The following TENM3 variants were observed in gnomAD, a reference collection of about 807,000 sequenced individuals.
TENM3 encodes teneurin transmembrane protein 3, also known as teneurin-3.
A neutral mutation model predicts 255.1 loss-of-function variants in TENM3; 63 were observed. That is an observed-to-expected ratio of 0.25 (90% CI 0.20 to 0.30). The LOEUF is 0.30. Among genes scored for constraint, TENM3 ranks in the 10% least tolerant of loss-of-function variants. The pLI is 1.00. For missense variants in TENM3, 2,929 were observed against 3,461.1 expected, an observed-to-expected ratio of 0.85 and a Z score of 3.86; for synonymous variants, 1,306 against 1,322.3, an observed-to-expected ratio of 0.99 and a Z score of 0.27.
chr4:182,608,603 C>T (rs568664729), intron 4 of TENM3, among the ~76,000 whole-genome samples: 1 of 152,198 alleles, frequency 6.6e-6, no homozygotes, highest in Non-Finnish European at 1.5e-5. Flanking sequence ...GCGCCCTGCT[C>T]GTCCGCTTGC....
the TENM3 span, among the ~76,000 whole-genome samples, chr4:181,865,570 C>T: frequency 3.9e-5 from 6 of 152,192 alleles, no homozygotes; most frequent in Admixed American, 3.9e-4. Context: ...CAGAGGATGG[C>T]AAAGAGGAGG....
At chr4:181,501,927 G>A in the TENM3 span, among the ~76,000 whole-genome samples, 15 of 152,130 alleles carry the variant, frequency 9.9e-5, no homozygotes, top group Admixed American at 5.9e-4. Flanking sequence ...AAGAAACCAG[G>A]GTGAAGGGCA....
chr4:182,793,363 G>A lies in TENM3; in HGVS notation c.6691G>A (p.Gly2231Ser), dbSNP rs1433761049. Residue 2231 changes from glycine to serine, a missense_variant, in exon 26 of 28, where the codon GGC becomes AGC. This residue lies in a region of TENM3 where 256 missense variants were observed against 389.3 expected (regional missense o/e 0.66). Transcript: ENST00000511685. The surrounding 1 kb of genome is among the most constrained non-coding windows in gnomAD (Gnocchi z 5.7). ...CTGGACAGTGATCTACCGTTATGAC[G>A]GCCTGGGAAGGCGTGTTTCTAGCAA... ...SGWTVIYRYD[G>S]LGRRVSSKTS... is the part of the protein sequence containing the mutation. 6.2e-7 allele frequency: 1 copy of A among 1,613,680 alleles called. No individual in the cohort carries two copies. Among genetic ancestry groups the A allele is most frequent in the Non-Finnish European group, 8.5e-7 (1 of 1,179,716 alleles).
chr4:181,667,610 T>A, the TENM3 span, among the ~76,000 whole-genome samples: 3 of 152,106 alleles, frequency 2.0e-5, no homozygotes, highest in Non-Finnish European at 4.4e-5. Context: ...CCACCCTCAC[T>A]TTCTCTTGCC....
chr4:182,179,325 G>C (rs1752702918), intron 1 of TENM3, among the ~76,000 whole-genome samples: 2 of 152,130 alleles, frequency 1.3e-5, no homozygotes, highest in South Asian at 4.1e-4. Flanking sequence ...AACTCACTTG[G>C]AACCTATGGC....
chr4:182,393,538 A>G (rs1768588790), intron 3 of TENM3, among the ~76,000 whole-genome samples: 1 of 152,226 alleles, frequency 6.6e-6, no homozygotes, highest in Admixed American at 6.5e-5. Flanking sequence ...GTGCTGCCAA[A>G]ACATAATTCT....
chr4:181,691,636 T>C, the TENM3 span, among the ~76,000 whole-genome samples: 1 of 152,116 alleles, frequency 6.6e-6, no homozygotes, highest in Non-Finnish European at 1.5e-5. Context: ...CCGTCAAAAT[T>C]CTTGTAAGAA....
intron 3 of TENM3, among the ~76,000 whole-genome samples, chr4:182,552,705 A>G (rs1742172294): frequency 6.6e-6 from 1 of 152,200 alleles, no homozygotes; most frequent in African/African-American, 2.4e-5. Flanking sequence ...AGCATTGGCC[A>G]AAGATGGGAA....
At chr4:182,366,896 A>G (rs549348355) in intron 3 of TENM3, among the ~76,000 whole-genome samples, 68 of 152,316 alleles carry the variant, frequency 4.5e-4, no homozygotes, top group Non-Finnish European at 7.2e-4. Context: ...TTAATCCTGC[A>G]GAAAGTCAGG....
chr4:181,646,122 T>C, the TENM3 span, among the ~76,000 whole-genome samples: 1 of 152,162 alleles, frequency 6.6e-6, no homozygotes, highest in East Asian at 1.9e-4. Context: ...AAGATAAAAT[T>C]TGGGGTGCTA....
chr4:181,761,012 A>ACACACC, the TENM3 span, among the ~76,000 whole-genome samples: 8 of 148,704 alleles, frequency 5.4e-5, no homozygotes, highest in African/African-American at 1.5e-4. Context: ...ACACACACAC[A>ACACACC]CCCCGAATAA....
the TENM3 span, among the ~76,000 whole-genome samples, chr4:181,787,761 T>C: frequency 6.6e-6 from 1 of 152,142 alleles, no homozygotes; most frequent in Non-Finnish European, 1.5e-5. Context: ...TGTTTCAAGA[T>C]GTCCTGCCTT....
intron 3 of TENM3, among the ~76,000 whole-genome samples, chr4:182,592,910 C>T (rs1482876571): frequency 6.6e-6 from 1 of 152,140 alleles, no homozygotes; most frequent in Non-Finnish European, 1.5e-5. Flanking sequence ...TTAATTCCAT[C>T]CTTTGCAAAT....
At chr4:182,186,816 G>A (rs1753194635) in intron 1 of TENM3, among the ~76,000 whole-genome samples, 1 of 34,140 alleles carries the variant, frequency 2.9e-5, no homozygotes, top group African/African-American at 1.2e-4. Context: ...TATATATATG[G>A]TCCTACCCTG....
the TENM3 span, among the ~76,000 whole-genome samples, chr4:182,021,837 T>A: frequency 6.6e-6 from 1 of 152,170 alleles, no homozygotes; most frequent in Admixed American, 6.5e-5. Context: ...GAAAAAAGCA[T>A]GTATCACCTT....
At chr4:181,916,990 C>T in the TENM3 span, among the ~76,000 whole-genome samples, 2 of 152,118 alleles carry the variant, frequency 1.3e-5, no homozygotes, top group African/African-American at 4.8e-5. Flanking sequence ...CATTGGTTTT[C>T]TATCTTTCCT....
intron 3 of TENM3, among the ~76,000 whole-genome samples, chr4:182,428,991 A>T (rs902006648): frequency 6.6e-6 from 1 of 152,172 alleles, no homozygotes; most frequent in Non-Finnish European, 1.5e-5. Flanking sequence ...AGTATTTCCC[A>T]GTGTTAGGAA....
the TENM3 span, among the ~76,000 whole-genome samples, chr4:181,764,403 G>A: frequency 2.0e-5 from 3 of 152,212 alleles, no homozygotes; most frequent in East Asian, 5.8e-4. Context: ...ATGGAATTTT[G>A]TAAGCAATAG....
At chr4:181,543,067 T>C in the TENM3 span, among the ~76,000 whole-genome samples, 1 of 152,212 alleles carries the variant, frequency 6.6e-6, no homozygotes, top group Non-Finnish European at 1.5e-5. Flanking sequence ...TCAGAAAATC[T>C]ACTGTGAAAT....
Sources: allele counts gnomAD v4.1 joint callset (sites outside exome capture counted in the v4.1 genomes callset), GRCh38; gene constraint gnomAD v4.1.1; regional missense constraint gnomAD v4.1.1; non-coding constraint Gnocchi (gnomAD v3.1); transcripts MANE v1.5; gene names NCBI Gene and HGNC (gene_info 2026-07-23, HGNC 2026-07-21).